The following ZC3H12B variants were observed in gnomAD, a reference collection of about 807,000 sequenced individuals.
ZC3H12B encodes the protein zinc finger CCCH-type containing 12B.
A neutral mutation model predicts 43.9 loss-of-function variants in ZC3H12B; 7 were observed. The observed-to-expected ratio is 0.16, with a 90% CI of 0.09 to 0.30. The LOEUF is 0.30. ZC3H12B is among the 10% of genes least tolerant of loss of function. The pLI, the probability that ZC3H12B is intolerant of heterozygous loss-of-function variation, is 1.00. For synonymous variants in ZC3H12B, 222 were observed against 241.7 expected (o/e 0.92, Z 0.76); for missense variants, 475 against 670.2 (o/e 0.71, Z 3.22).
the ZC3H12B span, among the ~76,000 whole-genome samples, chrX:65,122,906 A>G: frequency 8.9e-6 from 1 of 111,753 alleles, no homozygotes; most frequent in Non-Finnish European, 1.9e-5. Flanking sequence ...AGACCTACAA[A>G]GAGACTTAGA....
At chrX:65,314,412 A>G in the ZC3H12B span, among the ~76,000 whole-genome samples, 1 of 111,851 alleles carries the variant, frequency 8.9e-6, no homozygotes, top group Non-Finnish European at 1.9e-5. Flanking sequence ...GACCGAGAAA[A>G]ATGACACATT....
chrX:65,199,169 A>G, the ZC3H12B span, among the ~76,000 whole-genome samples: 1 of 106,707 alleles, frequency 9.4e-6, no homozygotes, highest in African/African-American at 3.4e-5. Context: ...ATTGTTTTTT[A>G]TTATTTTTTT....
chrX:65,263,122 T>C, the ZC3H12B span, among the ~76,000 whole-genome samples: 1 of 111,457 alleles, frequency 9.0e-6, no homozygotes, highest in African/African-American at 3.2e-5. Context: ...ATAAGACTTT[T>C]ATGTGCCTAA....
chrX:65,190,995 G>A, the ZC3H12B span, among the ~76,000 whole-genome samples: 1 of 88,308 alleles, frequency 1.1e-5, no homozygotes, highest in Non-Finnish European at 2.1e-5. Context: ...TTTATTGAGA[G>A]TTTTTAGCAT....
the ZC3H12B span, among the ~76,000 whole-genome samples, chrX:65,198,904 A>G: frequency 9.0e-6 from 1 of 111,274 alleles, no homozygotes; most frequent in Non-Finnish European, 1.9e-5. Flanking sequence ...TCAGCTCACT[A>G]CAAGATCAGC....
At chrX:65,316,118 A>G in the ZC3H12B span, among the ~76,000 whole-genome samples, 1 of 112,034 alleles carries the variant, frequency 8.9e-6, no homozygotes, top group Non-Finnish European at 1.9e-5. Flanking sequence ...TCAGACAAAA[A>G]TAAAAAAAGG....
the ZC3H12B span, among the ~76,000 whole-genome samples, chrX:65,034,993 A>G: frequency 8.9e-6 from 1 of 111,974 alleles, no homozygotes; most frequent in Non-Finnish European, 1.9e-5. Flanking sequence ...CAGGCCTAGT[A>G]CCCCAGGAGG....
At chrX:65,410,121 A>C (rs35050524) in intron 3 of ZC3H12B, among the ~76,000 whole-genome samples, 4 of 103,376 alleles carry the variant, frequency 3.9e-5, no homozygotes, top group East Asian at 5.6e-4. Flanking sequence ...AAAAAAAAAA[A>C]AAAAACAATG....
the ZC3H12B span, among the ~76,000 whole-genome samples, chrX:65,339,184 G>A: frequency 5.4e-5 from 6 of 111,100 alleles, no homozygotes; most frequent in Non-Finnish European, 1.1e-4. Flanking sequence ...CAAGAGACTA[G>A]GACTAGGATT....
At chrX:65,250,108 C>T in the ZC3H12B span, among the ~76,000 whole-genome samples, 6 of 109,833 alleles carry the variant, frequency 5.5e-5, no homozygotes, top group Admixed American at 3.9e-4. Context: ...TACAACAGGC[C>T]CCAGTGTGTG....
At chrX:65,228,424 A>G in the ZC3H12B span, among the ~76,000 whole-genome samples, 4 of 111,574 alleles carry the variant, frequency 3.6e-5, no homozygotes, top group South Asian at 3.8e-4. Context: ...CACAGCCAAT[A>G]TCATACTGAA....
the ZC3H12B span, among the ~76,000 whole-genome samples, chrX:65,218,533 C>T: frequency 9.0e-6 from 1 of 111,200 alleles, no homozygotes; most frequent in African/African-American, 3.3e-5. Context: ...TGGGTGAGGC[C>T]TGTGGCTGCT....
chrX:65,299,371 G>T, the ZC3H12B span, among the ~76,000 whole-genome samples: 1 of 112,040 alleles, frequency 8.9e-6, no homozygotes, highest in Non-Finnish European at 1.9e-5. Context: ...ATAAACAGAT[G>T]TAAAAATTCT....
chrX:65,132,249 T>C, the ZC3H12B span, among the ~76,000 whole-genome samples: 1 of 111,905 alleles, frequency 8.9e-6, no homozygotes, highest in South Asian at 3.7e-4. Context: ...GTGCAGATCC[T>C]GAACTAACCT....
intron 3 of ZC3H12B, among the ~76,000 whole-genome samples, chrX:65,453,915 G>A (rs2067562290): frequency 8.9e-6 from 1 of 111,839 alleles, no homozygotes; most frequent in Non-Finnish European, 1.9e-5. Flanking sequence ...GGACTTGGAG[G>A]AAAGGATGGG....
chrX:65,097,400 G>T, the ZC3H12B span, among the ~76,000 whole-genome samples: 1 of 111,165 alleles, frequency 9.0e-6, no homozygotes, highest in Admixed American at 9.6e-5. Context: ...GAATTTTTCT[G>T]GGCCTTCATG....
chrX:65,307,307 G>T, the ZC3H12B span, among the ~76,000 whole-genome samples: 10 of 111,791 alleles, frequency 8.9e-5, no homozygotes, highest in African/African-American at 1.3e-4. Context: ...ATGTGTCCAT[G>T]AATTAGAATA....
At chrX:65,251,406 G>A in the ZC3H12B span, among the ~76,000 whole-genome samples, 1 of 111,606 alleles carries the variant, frequency 9.0e-6, no homozygotes, top group Non-Finnish European at 1.9e-5. Context: ...GCTTAGGATT[G>A]ACTTGGCAAT....
At chrX:65,082,881 A>G in the ZC3H12B span, among the ~76,000 whole-genome samples, 1 of 111,535 alleles carries the variant, frequency 9.0e-6, no homozygotes, top group Non-Finnish European at 1.9e-5. Context: ...AACTGACTTC[A>G]ACAATATGTT....
Sources: allele counts gnomAD v4.1 joint callset (sites outside exome capture counted in the v4.1 genomes callset), GRCh38; gene constraint gnomAD v4.1.1; transcripts MANE v1.5; gene names NCBI Gene and HGNC (gene_info 2026-07-23, HGNC 2026-07-21).